Variants in EPB41L5 observed in about 807,000 individuals in gnomAD.
EPB41L5 encodes the protein erythrocyte membrane protein band 4.1 like 5.
Under a neutral mutation model 106.6 loss-of-function variants are expected in EPB41L5, and 55 were observed. That is an observed-to-expected ratio of 0.52 (90% CI 0.42 to 0.65). EPB41L5 has a LOEUF of 0.65. Among genes scored for constraint, EPB41L5 ranks in the 30% least tolerant of loss-of-function variants. EPB41L5 has a pLI of 0.00. For missense variants in EPB41L5, 871 were observed against 882.1 expected (o/e 0.99, Z 0.16); for synonymous variants, 297 against 306.7 (o/e 0.97, Z 0.33).
intron 9 of EPB41L5, among the ~76,000 whole-genome samples, chr2:120,077,789 GGTTGTATTAGTTCATT>G (rs1225078039): frequency 6.6e-6 from 1 of 151,968 alleles, no homozygotes; most frequent in Non-Finnish European, 1.5e-5. Flanking sequence ...CCAGAAAGGC[GGTTGTATTAGTTCATT>G]CTCGCACTGC....
chr2:120,153,888 G>C (rs1686785508), intron 20 of EPB41L5, among the ~76,000 whole-genome samples: 1 of 152,028 alleles, frequency 6.6e-6, no homozygotes, highest in African/African-American at 2.4e-5. Flanking sequence ...CACATCTTTG[G>C]ATCATAGTGA....
chr2:120,149,841 G>A (rs1368722930), intron 20 of EPB41L5, among the ~76,000 whole-genome samples: 1 of 149,602 alleles, frequency 6.7e-6, no homozygotes, highest in Non-Finnish European at 1.5e-5. Flanking sequence ...ATTTCTCCCA[G>A]TAATGAGTGA....
intron 24 of EPB41L5, among the ~76,000 whole-genome samples, chr2:120,170,257 AC>A (rs2105569554): frequency 6.6e-6 from 1 of 152,376 alleles, no homozygotes; most frequent in East Asian, 1.9e-4. Flanking sequence ...GCAACAACTT[AC>A]CACAAAACTT....
intron 16 of EPB41L5, among the ~76,000 whole-genome samples, chr2:120,101,333 C>A (rs1684129470): frequency 6.6e-6 from 1 of 152,164 alleles, no homozygotes; most frequent in African/African-American, 2.4e-5. Flanking sequence ...GAAAAAGATA[C>A]TTTAATTATT....
chr2:120,137,307 C>T (rs1369852559), intron 18 of EPB41L5, among the ~76,000 whole-genome samples: 1 of 151,402 alleles, frequency 6.6e-6, no homozygotes, highest in Admixed American at 6.6e-5. Flanking sequence ...TCTTAAGGAA[C>T]TAGAAAAGCA....
chr2:120,036,505 G>C (rs1376154326), intron 2 of EPB41L5, among the ~76,000 whole-genome samples: 1 of 152,122 alleles, frequency 6.6e-6, no homozygotes, highest in Non-Finnish European at 1.5e-5. Context: ...AAAATAAGGA[G>C]ACAAATGAGC....
intron 2 of EPB41L5, among the ~76,000 whole-genome samples, chr2:120,040,796 A>G (rs1411531507): frequency 6.6e-6 from 1 of 152,214 alleles, no homozygotes; most frequent in Non-Finnish European, 1.5e-5. Context: ...GAAAGGAAAT[A>G]TAGATGACAG....
chr2:120,104,259 T>G, intron 16 of EPB41L5: 3 of 1,527,528 alleles, frequency 2.0e-6, no homozygotes, highest in Non-Finnish European at 2.6e-6. Context: ...CCTCTTAGGC[T>G]TTGGGACTCT....
At chr2:120,061,987 A>G (rs915356567) in intron 3 of EPB41L5, among the ~76,000 whole-genome samples, 1 of 152,052 alleles carries the variant, frequency 6.6e-6, no homozygotes, top group Non-Finnish European at 1.5e-5. Flanking sequence ...TTTATTTTTT[A>G]TACTGAATTT....
At chr2:120,024,085 A>G (rs1016147463) in intron 2 of EPB41L5, among the ~76,000 whole-genome samples, 3 of 152,168 alleles carry the variant, frequency 2.0e-5, no homozygotes, top group African/African-American at 7.2e-5. Flanking sequence ...GGGCTGAGAC[A>G]GTGGGGTTTT....
At chr2:120,124,168 C>G (rs894370749) in intron 16 of EPB41L5, among the ~76,000 whole-genome samples, 1 of 152,184 alleles carries the variant, frequency 6.6e-6, no homozygotes, top group Non-Finnish European at 1.5e-5. Context: ...TTCCCCAACA[C>G]AGGCAATATA....
intron 22 of EPB41L5, among the ~76,000 whole-genome samples, chr2:120,166,281 G>T (rs1174977372): frequency 6.6e-6 from 1 of 152,124 alleles, no homozygotes; most frequent in Non-Finnish European, 1.5e-5. Flanking sequence ...ACCACCCGTT[G>T]GGAATGACCA....
chr2:120,171,640 G>A (rs997592942), intron 24 of EPB41L5, among the ~76,000 whole-genome samples: 4 of 152,162 alleles, frequency 2.6e-5, no homozygotes, highest in African/African-American at 9.7e-5. Context: ...CTTATTCTCT[G>A]GAGAAGCCAA....
Position 120,170,324 on chromosome 2 carries a change from G to C in EPB41L5, c.2135+2317G>C, listed in dbSNP as rs148195653. On this transcript the variant is annotated intron_variant, in intron 24 of 24. Transcript: ENST00000263713. ...TCATTTTCTGTGGCTCAGGAATCTG[G>C]ATGTAGCTGAGCTGGGTTCTCTGCT... Among the ~76,000 whole-genome samples, 453 of 152,352 alleles carry C rather than the reference G, an allele frequency of 3.0e-3. 3 individuals are homozygous for C. The highest frequency in any genetic ancestry group is 0.011 in the African/African-American group (440 of 41,572).
At chr2:120,031,919 TGAGGCCAG>T (rs1558809116) in intron 2 of EPB41L5, among the ~76,000 whole-genome samples, 3 of 152,208 alleles carry the variant, frequency 2.0e-5, no homozygotes, top group Admixed American at 2.0e-4. Flanking sequence ...GAGGATTGCT[TGAGGCCAG>T]GAGTTTGAGA....
intron 17 of EPB41L5, among the ~76,000 whole-genome samples, chr2:120,129,331 GTC>G (rs976720332): frequency 4.0e-4 from 50 of 125,042 alleles, no homozygotes; most frequent in African/African-American, 1.3e-3. Flanking sequence ...GCAAGACTCT[GTC>G]TCAAAAAAAA....
intron 1 of EPB41L5, among the ~76,000 whole-genome samples, chr2:120,018,252 C>T (rs1309120169): frequency 6.6e-6 from 1 of 152,026 alleles, no homozygotes; most frequent in Non-Finnish European, 1.5e-5. Context: ...CAGCCGTGAG[C>T]CACCGCGCCC....
intron 3 of EPB41L5, among the ~76,000 whole-genome samples, chr2:120,043,295 C>G (rs960953838): frequency 2.6e-5 from 4 of 152,102 alleles, no homozygotes; most frequent in African/African-American, 9.6e-5. Context: ...AATCCCAGCA[C>G]TTTGGGAGAC....
At chr2:120,050,019 C>A (rs1469929627) in intron 3 of EPB41L5, among the ~76,000 whole-genome samples, 1 of 152,312 alleles carries the variant, frequency 6.6e-6, no homozygotes, top group Non-Finnish European at 1.5e-5. Flanking sequence ...TGTAGAGTTT[C>A]TGCCAAGAGA....
Sources: gnomAD v4.1 joint callset for allele counts (sites outside exome capture counted in the v4.1 genomes callset) on GRCh38, gnomAD v4.1.1 for gene constraint, MANE v1.5 for transcripts, NCBI Gene and HGNC (gene_info 2026-07-23, HGNC 2026-07-21) for gene names.